Variants in ADAM17 observed in about 807,000 individuals in gnomAD.
ADAM17 encodes the protein disintegrin and metalloproteinase domain-containing protein 17.
A neutral mutation model predicts 96.7 loss-of-function variants in ADAM17; 39 were observed. The observed-to-expected ratio is 0.40, with a 90% CI of 0.31 to 0.53. The LOEUF (loss-of-function observed/expected upper bound fraction) is 0.53. Ranked by LOEUF, ADAM17 falls within the 20% of genes least tolerant of loss-of-function variation. The pLI is 0.44. For missense variants in ADAM17, 777 were observed against 1,013.2 expected, an observed-to-expected ratio of 0.77 and a Z score of 3.17; for synonymous variants, 344 against 359.2, an observed-to-expected ratio of 0.96 and a Z score of 0.48.
intron 16 of ADAM17, 65 bp from the exon 17 acceptor site, chr2:9,493,051 C>G: frequency 7.5e-7 from 1 of 1,327,698 alleles, no homozygotes; most frequent in Non-Finnish European, 1.1e-6. Context: ...GTGAAATGCT[C>G]TTAGGATATT....
intron 11 of ADAM17, among the ~76,000 whole-genome samples, chr2:9,508,609 C>T (rs1303395052): frequency 1.3e-5 from 2 of 152,160 alleles, no homozygotes; most frequent in Non-Finnish European, 2.9e-5. Context: ...CCATCACAGG[C>T]AAACATTATT....
At chr2:9,493,174 T>C (rs1232533965) in intron 16 of ADAM17, among the ~76,000 whole-genome samples, 188 bp from the exon 17 acceptor site, 1 of 152,170 alleles carries the variant, frequency 6.6e-6, no homozygotes, top group Non-Finnish European at 1.5e-5. Flanking sequence ...TTTAAAGAAA[T>C]AGCCCTCATA....
chr2:9,494,805 T>C (rs766647654), intron 14 of ADAM17, 38 bp from the exon 15 acceptor site: 1 of 1,608,888 alleles, frequency 6.2e-7, no homozygotes, highest in South Asian at 1.1e-5. Context: ...TGGATTGTTC[T>C]GAGACCTGCC....
In ADAM17 at chr2:9,518,164, A is replaced by T. The variant is rs756005596; in HGVS notation, c.1041T>A (p.Thr347=). 1 of 1,602,748 alleles carries T rather than the reference A, an allele frequency of 6.2e-7. No individual in the cohort carries two copies. The highest frequency in any genetic ancestry group is 1.7e-5 in the Admixed American group (1 of 58,340). The change falls in exon 9 of 19, where the codon ACT becomes ACA. Residue 347 remains threonine (T), a synonymous_variant. Coordinates refer to ENST00000310823, the MANE Select transcript of ADAM17 (RefSeq NM_003183.6). ...LFTYQDFDMG[T]LGLAYVGSPR... is the part of the protein sequence containing the mutation. The stretch of plus-strand genomic sequence containing the variant: ...GAGAGCCAACATAAGCTAATCCAAG[A>T]GTTCCCATATCAAAATCTTGGTATG...
intron 13 of ADAM17, among the ~76,000 whole-genome samples, chr2:9,498,205 C>G (rs1011351975): frequency 6.9e-6 from 1 of 145,572 alleles, no homozygotes; most frequent in African/African-American, 2.6e-5. Context: ...AATTTTCTTT[C>G]TTTTTTTTTG....
intron 14 of ADAM17, among the ~76,000 whole-genome samples, chr2:9,496,777 G>A (rs971957377): frequency 6.6e-6 from 1 of 152,140 alleles, no homozygotes; most frequent in Admixed American, 6.5e-5. Flanking sequence ...CTGCTTTTGT[G>A]GTTTGTATGA....
intron 17 of ADAM17, among the ~76,000 whole-genome samples, chr2:9,491,931 T>C (rs1558491523): frequency 1.3e-5 from 2 of 152,274 alleles, no homozygotes. Context: ...GCAATCGTGA[T>C]GGATGGCACT....
chr2:9,521,103 T>A (rs531994727), intron 8 of ADAM17, 100 bp downstream of exon 8: 1 of 913,620 alleles, frequency 1.1e-6, no homozygotes, highest in African/African-American at 1.6e-5. Flanking sequence ...CTTCTGGGTG[T>A]CCATCTTTTC....
intron 4 of ADAM17, among the ~76,000 whole-genome samples, chr2:9,532,463 T>C (rs773334246): frequency 1.1e-4 from 17 of 152,130 alleles, no homozygotes; most frequent in Non-Finnish European, 1.8e-4. Context: ...TACTTGTAAG[T>C]AAACATCTTT....
intron 5 of ADAM17, among the ~76,000 whole-genome samples, chr2:9,526,669 G>A (rs935221839): frequency 3.9e-5 from 6 of 152,112 alleles, no homozygotes; most frequent in African/African-American, 2.4e-5. Flanking sequence ...GGTGGCACCC[G>A]CCTGTAATCC....
In ADAM17 at chr2:9,518,137, G is replaced by A. The variant is rs750559090; in HGVS notation, c.1068C>T (p.Pro356=). Residue 356 remains proline, a synonymous_variant, in exon 9 of 19, where the codon CCC becomes CCT. Transcript: ENST00000310823. ...GTLGLAYVGS[P]RANSHGGVCP... ...AAACACCTCCATGGCTGTTTGCTCT[G>A]GGAGAGCCAACATAAGCTAATCCAA... 4 of 1,600,812 alleles carry A rather than the reference G, an allele frequency of 2.5e-6. No homozygotes were observed. Among genetic ancestry groups the A allele is most frequent in the Non-Finnish European group, 3.4e-6 (4 of 1,176,378 alleles).
intron 1 of ADAM17, among the ~76,000 whole-genome samples, chr2:9,550,903 C>T (rs377412031): frequency 3.1e-5 from 3 of 97,864 alleles, no homozygotes; most frequent in African/African-American, 3.8e-5. Context: ...ACTAAAAATA[C>T]AAAAAAAAAA....
intron 17 of ADAM17, among the ~76,000 whole-genome samples, chr2:9,492,297 A>G (rs946239051): frequency 4.6e-5 from 7 of 152,274 alleles, no homozygotes; most frequent in Non-Finnish European, 8.8e-5. Flanking sequence ...ACATTTATGA[A>G]AAAGGGCCTC....
chr2:9,539,130 C>T (rs1330788604), intron 2 of ADAM17, among the ~76,000 whole-genome samples: 2 of 146,150 alleles, frequency 1.4e-5, no homozygotes, highest in African/African-American at 2.6e-5. Flanking sequence ...TTTTTTGAGA[C>T]GGAGTCTCAC....
chr2:9,551,107 T>A (rs1030264540), intron 1 of ADAM17, among the ~76,000 whole-genome samples: 1 of 151,798 alleles, frequency 6.6e-6, no homozygotes, highest in African/African-American at 2.4e-5. Flanking sequence ...TTTGGACATG[T>A]TATATTTGAA....
At chr2:9,537,469 C>G (rs1212190084) in intron 2 of ADAM17, among the ~76,000 whole-genome samples, 1 of 152,214 alleles carries the variant, frequency 6.6e-6, no homozygotes, top group Non-Finnish European at 1.5e-5. Flanking sequence ...CGTAGTGGCT[C>G]ACGCCTGTAA....
chr2:9,517,586 TG>T (rs1664112051), intron 10 of ADAM17, among the ~76,000 whole-genome samples: 1 of 152,120 alleles, frequency 6.6e-6, no homozygotes. Flanking sequence ...TGGGATGCCT[TG>T]AATGACAGCT....
intron 18 of ADAM17, among the ~76,000 whole-genome samples, 191 bp downstream of exon 18, chr2:9,490,910 T>C (rs1662081339): frequency 6.6e-6 from 1 of 152,166 alleles, no homozygotes; most frequent in Non-Finnish European, 1.5e-5. Flanking sequence ...TCTTTAAATG[T>C]CCATCCATGC....
At chr2:9,534,618 A>AAAT (rs987585964) in intron 4 of ADAM17, among the ~76,000 whole-genome samples, 6 of 152,236 alleles carry the variant, frequency 3.9e-5, no homozygotes, top group African/African-American at 1.4e-4. Flanking sequence ...GTTAAACGAA[A>AAAT]AATGTGTGAA....
Sources: gnomAD v4.1 joint callset for allele counts (sites outside exome capture counted in the v4.1 genomes callset) on GRCh38, gnomAD v4.1.1 for gene constraint, MANE v1.5 for transcripts, NCBI Gene and HGNC (gene_info 2026-07-23, HGNC 2026-07-21) for gene names.